The following CRB1 variants were observed in gnomAD, a reference collection of about 807,000 sequenced individuals.
The protein encoded by CRB1 is protein crumbs homolog 1.
A neutral mutation model predicts 120.0 loss-of-function variants in CRB1; 83 were observed. That is an observed-to-expected ratio of 0.69 (90% CI 0.58 to 0.83). The LOEUF (loss-of-function observed/expected upper bound fraction) is 0.83. Among genes scored for constraint, CRB1 ranks in the 40% least tolerant of loss-of-function variants. The pLI, the probability that CRB1 is intolerant of heterozygous loss-of-function variation, is 0.00. For synonymous variants in CRB1, 625 were observed against 612.5 expected (o/e 1.02, Z -0.30); for missense variants, 1,699 against 1,687.6 (o/e 1.01, Z -0.12).
intron 5 of CRB1, among the ~76,000 whole-genome samples, chr1:197,370,707 A>G (rs1030102061): frequency 6.6e-6 from 1 of 152,146 alleles, no homozygotes; most frequent in Non-Finnish European, 1.5e-5. Flanking sequence ...TGCCTACATC[A>G]AAAACCCACC....
At chr1:197,396,613 G>A (rs1267929808) in intron 5 of CRB1, among the ~76,000 whole-genome samples, 1 of 152,014 alleles carries the variant, frequency 6.6e-6, no homozygotes. Flanking sequence ...ATGTAGAGTT[G>A]GCAAAGGATA....
At chr1:197,223,400 T>G in the CRB1 span, 1 of 477,668 alleles carries the variant, frequency 2.1e-6, no homozygotes, top group Non-Finnish European at 3.8e-6. Context: ...GTGCCTATGG[T>G]TTTTTTTAGA....
chr1:197,450,957 CAAAAAA>C (rs11288525), intron 11 of CRB1, among the ~76,000 whole-genome samples: 2 of 56,632 alleles, frequency 3.5e-5, no homozygotes, highest in Admixed American at 2.8e-4. Flanking sequence ...GACTCCGTCC[CAAAAAA>C]AAAAAAAAAA....
chr1:197,313,194 GCACT>G (rs919666352), intron 1 of CRB1, among the ~76,000 whole-genome samples: 3 of 152,164 alleles, frequency 2.0e-5, no homozygotes, highest in African/African-American at 7.2e-5. Flanking sequence ...GATTTTGTGA[GCACT>G]CACTCACTAT....
At chr1:197,425,435 T>C (rs1041381859) in intron 6 of CRB1, among the ~76,000 whole-genome samples, 4 of 152,162 alleles carry the variant, frequency 2.6e-5, no homozygotes, top group Non-Finnish European at 5.9e-5. Flanking sequence ...CTAAAATGTG[T>C]CTTACCTTTG....
intron 1 of CRB1, among the ~76,000 whole-genome samples, chr1:197,323,582 G>A (rs956705222): frequency 1.3e-5 from 2 of 152,084 alleles, no homozygotes; most frequent in Non-Finnish European, 2.9e-5. Context: ...GGCCTGATTA[G>A]CTTTAAATAA....
intron 4 of CRB1, among the ~76,000 whole-genome samples, chr1:197,350,192 G>T (rs1660018405): frequency 6.6e-6 from 1 of 151,876 alleles, no homozygotes; most frequent in Non-Finnish European, 1.5e-5. Context: ...AAAGATCTCT[G>T]TCCAGAAGCA....
intron 11 of CRB1, among the ~76,000 whole-genome samples, chr1:197,466,925 G>A (rs777241661): frequency 4.7e-4 from 72 of 152,316 alleles, no homozygotes; most frequent in African/African-American, 8.2e-4. Flanking sequence ...GTCCAACACC[G>A]TGCAAGGCAC....
Position 197,328,903 on chromosome 1 carries a change from C to G in CRB1, c.552C>G (p.Asp184Glu). Residue 184 changes from aspartate to glutamate, a missense_variant, in exon 2 of 12, where the codon GAC (aspartate) becomes GAG (glutamate). Physicochemically the swap from Asp to Glu is conservative, Grantham distance 45. Coordinates refer to ENST00000367400, the MANE Select transcript of CRB1 (RefSeq NM_201253.3). ...CAGGATATCAAGGCAGACACTGCGA[C>G]TTGGAAGTGGATGAATGTGCTTCAG... is the stretch of plus-strand genomic sequence containing the variant. The part of the protein sequence containing the change: ...CVPGYQGRHC[D>E]LEVDECASDP... 6.2e-7 allele frequency: 1 copy of G among 1,614,202 alleles called. No homozygotes were observed. The highest frequency in any genetic ancestry group is 8.5e-7 in the Non-Finnish European group (1 of 1,180,034).
chr1:197,262,779 A>G, the CRB1 span, among the ~76,000 whole-genome samples: 2 of 152,136 alleles, frequency 1.3e-5, no homozygotes, highest in Non-Finnish European at 2.9e-5. Flanking sequence ...AACATGCAGT[A>G]TTTGATTTTT....
At chr1:197,387,741 T>C (rs188777006) in intron 5 of CRB1, among the ~76,000 whole-genome samples, 1 of 152,010 alleles carries the variant, frequency 6.6e-6, no homozygotes, top group Non-Finnish European at 1.5e-5. Context: ...AGCCTTCTAG[T>C]TATTTTTTAA....
At chr1:197,454,768 C>G (rs1245041480) in intron 11 of CRB1, among the ~76,000 whole-genome samples, 1 of 152,146 alleles carries the variant, frequency 6.6e-6, no homozygotes, top group East Asian at 1.9e-4. Flanking sequence ...CTAAAATGAT[C>G]ACTGCCTTGG....
chr1:197,446,016 C>A (rs1256889259), intron 11 of CRB1, among the ~76,000 whole-genome samples: 2 of 152,000 alleles, frequency 1.3e-5, no homozygotes, highest in African/African-American at 4.8e-5. Flanking sequence ...ATGGTGAAAC[C>A]TTGTCTATAC....
chr1:197,428,924 G>A, intron 7 of CRB1: 3 of 1,502,220 alleles, frequency 2.0e-6, no homozygotes, highest in Non-Finnish European at 2.7e-6. Context: ...AATACTTTTT[G>A]TGAGCAACCT....
chr1:197,324,865 A>G (rs1329939327), intron 1 of CRB1, among the ~76,000 whole-genome samples: 1 of 152,222 alleles, frequency 6.6e-6, no homozygotes, highest in Non-Finnish European at 1.5e-5. Context: ...TCCTCTTCTC[A>G]CTATATTAAA....
chr1:197,428,856 A>G, intron 7 of CRB1: 1 of 1,020,188 alleles, frequency 9.8e-7, no homozygotes, highest in Non-Finnish European at 1.4e-6. Context: ...TTAATAGTAG[A>G]CCCAGGACAA....
Position 197,438,534 on chromosome 1 carries a change from T to G in CRB1, c.3750-13T>G. 6.2e-7 allele frequency: 1 copy of G among 1,611,602 alleles called. No homozygotes were observed. Among genetic ancestry groups the G allele is most frequent in the Non-Finnish European group, 8.5e-7 (1 of 1,178,168 alleles). ...AAGATGAACAGCTGTGGCTCTTGCT[T>G]TTATCTCTCTAGACAGAGCAGATTA... On this transcript the variant is annotated splice_polypyrimidine_tract_variant and intron_variant, in intron 9 of 11. Transcript: ENST00000367400.
At position 197,328,381 on chromosome 1, in the gene CRB1, C is replaced by A. The variant is rs1431749045; in HGVS notation, c.71-41C>A. Reference sequence around the variant, plus strand: ...AAAGAAAGATTTTTAACTTTGTCCTCATTTATAAATTTAATCTTGTTACTT... The same window carrying A: ...AAAGAAAGATTTTTAACTTTGTCCTAATTTATAAATTTAATCTTGTTACTT... On this transcript the variant is annotated intron_variant, in intron 1 of 11. Coordinates refer to ENST00000367400, the MANE Select transcript of CRB1 (RefSeq NM_201253.3). 2.0e-6 allele frequency: 3 copies of A among 1,501,032 alleles called. No homozygotes were observed. The Admixed American group carries it at 5.1e-5, about 26-fold the overall frequency. 93.0% of individuals were successfully genotyped at this position (1,501,032 alleles called of 1,614,324 possible).
chr1:197,312,492 G>T (rs957484090), intron 1 of CRB1, among the ~76,000 whole-genome samples: 4 of 152,226 alleles, frequency 2.6e-5, no homozygotes, highest in Admixed American at 2.0e-4. Flanking sequence ...TGAGGCAGGA[G>T]AACTGCCTGA....
Sources: allele counts gnomAD v4.1 joint callset (sites outside exome capture counted in the v4.1 genomes callset), GRCh38; gene constraint gnomAD v4.1.1; transcripts MANE v1.5; gene names NCBI Gene and HGNC (gene_info 2026-07-23, HGNC 2026-07-21).